GPR39: variants seen among roughly 807,000 people sequenced by gnomAD.
The protein encoded by GPR39 is G protein-coupled receptor 39.
GPR39 carries 23 observed loss-of-function variants against 18.4 expected under a neutral mutation model. The observed-to-expected ratio is 1.25, with a 90% CI of 0.90 to 1.77. The LOEUF (loss-of-function observed/expected upper bound fraction) is 1.77. Ranked by LOEUF, GPR39 falls within the 40% of genes most tolerant of loss-of-function variation. The pLI is 0.00. For synonymous variants in GPR39, 280 were observed against 257.9 expected (o/e 1.09, Z -0.82); for missense variants, 647 against 602.4 (o/e 1.07, Z -0.78).
chr2:132,590,384 G>C (rs1291963343), intron 1 of GPR39, among the ~76,000 whole-genome samples: 1 of 152,096 alleles, frequency 6.6e-6, no homozygotes, highest in Non-Finnish European at 1.5e-5. Context: ...ATGATGGCTA[G>C]GTCCTCAGAG....
chr2:132,532,548 A>G (rs1573650889), intron 1 of GPR39, among the ~76,000 whole-genome samples: 1 of 152,322 alleles, frequency 6.6e-6, no homozygotes, highest in East Asian at 1.9e-4. Context: ...ACCAAAAAAG[A>G]GAATTTTAGA....
intron 1 of GPR39, among the ~76,000 whole-genome samples, chr2:132,547,806 T>C (rs1401937252): frequency 6.6e-6 from 1 of 152,222 alleles, no homozygotes; most frequent in Non-Finnish European, 1.5e-5. Flanking sequence ...CTCAAAGAAG[T>C]ATCAGATTTT....
At chr2:132,534,286 G>T (rs1679700298) in intron 1 of GPR39, among the ~76,000 whole-genome samples, 1 of 151,134 alleles carries the variant, frequency 6.6e-6, no homozygotes, top group Non-Finnish European at 1.5e-5. Context: ...AAACCACTAT[G>T]AGATATCATC....
chr2:132,544,737 G>A (rs945618823), intron 1 of GPR39, among the ~76,000 whole-genome samples: 1 of 152,214 alleles, frequency 6.6e-6, no homozygotes, highest in African/African-American at 2.4e-5. Flanking sequence ...CTTGTCTCAT[G>A]TCCAAGAAGA....
At chr2:132,493,096 A>G (rs1024394806) in intron 1 of GPR39, among the ~76,000 whole-genome samples, 2 of 40,378 alleles carry the variant, frequency 5.0e-5, no homozygotes, top group Non-Finnish European at 1.2e-4. Flanking sequence ...ATATATATAC[A>G]CCATATATAT....
At chr2:132,633,275 A>T (rs934806246) in intron 1 of GPR39, among the ~76,000 whole-genome samples, 1 of 150,080 alleles carries the variant, frequency 6.7e-6, no homozygotes, top group Middle Eastern at 3.2e-3. Context: ...CCTTCTATCA[A>T]TTTCCCCCTT....
intron 1 of GPR39, among the ~76,000 whole-genome samples, chr2:132,487,527 G>A (rs1406064591): frequency 6.6e-6 from 1 of 152,156 alleles, no homozygotes; most frequent in Non-Finnish European, 1.5e-5. Flanking sequence ...TATGCTTAAA[G>A]TAATTAACAA....
At chr2:132,418,012 A>G (rs1184469311) in intron 1 of GPR39, 114 bp downstream of exon 1, 3 of 1,316,380 alleles carry the variant, frequency 2.3e-6, no homozygotes, top group African/African-American at 1.5e-5. Flanking sequence ...TGCACACTTA[A>G]GTTTACTAAG....
At chr2:132,420,907 C>T (rs987227007) in intron 1 of GPR39, among the ~76,000 whole-genome samples, 2 of 152,186 alleles carry the variant, frequency 1.3e-5, no homozygotes, top group Non-Finnish European at 2.9e-5. Flanking sequence ...TACAGGAGAA[C>T]ACAATAGTGA....
intron 1 of GPR39, among the ~76,000 whole-genome samples, chr2:132,449,475 C>T (rs1040863077): frequency 1.3e-5 from 2 of 152,062 alleles, no homozygotes; most frequent in African/African-American, 4.8e-5. Context: ...TCTTGAACTC[C>T]TGACCTCGTG....
intron 1 of GPR39, among the ~76,000 whole-genome samples, chr2:132,483,148 T>G (rs1681266022): frequency 6.6e-6 from 1 of 152,134 alleles, no homozygotes; most frequent in Admixed American, 6.6e-5. Flanking sequence ...CCATATAGGG[T>G]TGTAATGAAG....
intron 1 of GPR39, among the ~76,000 whole-genome samples, chr2:132,450,963 A>G (rs1276266169): frequency 6.6e-6 from 1 of 152,166 alleles, no homozygotes; most frequent in Admixed American, 6.5e-5. Context: ...GCTGATTTTC[A>G]GCCCAAATTC....
chr2:132,555,711 C>T (rs1310249334), intron 1 of GPR39, among the ~76,000 whole-genome samples: 5 of 152,168 alleles, frequency 3.3e-5, no homozygotes, highest in East Asian at 1.9e-4. Flanking sequence ...TAAATAAAGG[C>T]GTGAATACCA....
intron 1 of GPR39, among the ~76,000 whole-genome samples, chr2:132,473,349 A>C (rs1307835459): frequency 6.6e-6 from 1 of 152,158 alleles, no homozygotes; most frequent in Non-Finnish European, 1.5e-5. Flanking sequence ...TAAATTATCT[A>C]AGCCACTTCC....
intron 1 of GPR39, among the ~76,000 whole-genome samples, chr2:132,496,168 G>A (rs1347068805): frequency 6.6e-6 from 1 of 152,116 alleles, no homozygotes; most frequent in Non-Finnish European, 1.5e-5. Flanking sequence ...CTATGAAAGT[G>A]CAGATGGTGT....
At chr2:132,477,212 G>C (rs970380212) in intron 1 of GPR39, among the ~76,000 whole-genome samples, 1 of 152,206 alleles carries the variant, frequency 6.6e-6, no homozygotes, top group African/African-American at 2.4e-5. Context: ...CTATTTATCA[G>C]ATTTCTCAAA....
rs1680804827 is a variant in GPR39 at position 132,590,323 on chromosome 2, A to T, written c.857-54778A>T. On this transcript the variant is annotated intron_variant, in intron 1 of 1. Transcript: ENST00000329321. ...AGGTTTAGTCAGAAGGAGAAAACAC[A>T]GTGAGGTTGAAGATACACACACACA... 2.6e-5 allele frequency among the ~76,000 whole-genome samples: 4 copies of T among 152,244 alleles called. No individual in the cohort carries two copies. The South Asian group carries it at 8.3e-4, about 32-fold the overall frequency.
chr2:132,461,205 G>T (rs1211628179), intron 1 of GPR39, among the ~76,000 whole-genome samples: 10 of 152,140 alleles, frequency 6.6e-5, no homozygotes, highest in Admixed American at 6.5e-4. Flanking sequence ...TGACATCCTT[G>T]TGTTACAAAA....
chr2:132,443,774 T>C (rs1049242699), intron 1 of GPR39, among the ~76,000 whole-genome samples: 2 of 152,176 alleles, frequency 1.3e-5, no homozygotes, highest in Non-Finnish European at 1.5e-5. Context: ...TAAACATATT[T>C]TTAAAATTTT....
Sources: gnomAD v4.1 joint callset for allele counts (sites outside exome capture counted in the v4.1 genomes callset) on GRCh38, gnomAD v4.1.1 for gene constraint, MANE v1.5 for transcripts, NCBI Gene and HGNC (gene_info 2026-07-23, HGNC 2026-07-21) for gene names.